The following COX8C variants were observed in gnomAD, a reference collection of about 807,000 sequenced individuals.
COX8C encodes the protein cytochrome c oxidase subunit 8C, mitochondrial.
Under a neutral mutation model 3.5 loss-of-function variants are expected in COX8C, and 3 were observed. That is an observed-to-expected ratio of 0.86 (90% CI 0.39 to 2.24). COX8C has a LOEUF of 2.24. Among genes scored for constraint, COX8C ranks in the 30% most tolerant of loss-of-function variants. The probability of loss-of-function intolerance (pLI) is 0.05; values close to 1 mark genes in which losing one functional copy is unlikely to be tolerated. For synonymous variants in COX8C, 46 were observed against 44.1 expected (o/e 1.04, Z -0.17); for missense variants, 113 against 102.5 (o/e 1.10, Z -0.44).
chr14:93,347,472 G>A, intron 1 of COX8C, 78 bp downstream of exon 1: 1 of 1,368,704 alleles, frequency 7.3e-7, no homozygotes, highest in Non-Finnish European at 9.4e-7. Flanking sequence ...GGGGAGAAGG[G>A]AGGACACGGC....
At chr14:93,347,804 G>C (rs2053893335) in intron 1 of COX8C, among the ~76,000 whole-genome samples, 2 of 151,986 alleles carry the variant, frequency 1.3e-5, no homozygotes. Flanking sequence ...CGAAGTTCCA[G>C]AGTGCGAAGG....
Position 93,347,344 on chromosome 14 carries a change from C to CCCCGCTT in COX8C, c.78_84dup (p.Ala29ProfsTer51). 6.3e-7 allele frequency: 1 copy of CCCCGCTT among 1,597,372 alleles called. No individual in the cohort carries two copies. The highest frequency in any genetic ancestry group is 1.1e-5 in the South Asian group (1 of 90,446). The stretch of plus-strand genomic sequence containing the variant: ...GGCCCTGCTCGGCCTGCAGCCCGCT[C>CCCCGCTT]CCCGCTTCGCCCACTCGGGGCCCCC... On this transcript the variant is annotated frameshift_variant, in exon 1 of 2. Coordinates refer to ENST00000342144, the MANE Select transcript of COX8C (RefSeq NM_182971.3). LOFTEE classifies it low-confidence loss of function (END_TRUNC).
In COX8C at chr14:93,347,221, C is replaced by T; in HGVS notation, c.-48C>T. The T allele has an allele frequency of 6.5e-7, 1 of 1,540,196 alleles. No individual in the cohort carries two copies. The highest frequency in any genetic ancestry group is 1.2e-5 in the South Asian group (1 of 83,340). On this transcript the variant is annotated 5_prime_UTR_variant, in exon 1 of 2. Transcript: ENST00000342144. ...CACTGGAGCTTGCGTTACTTGGCCT[C>T]ACCTCACCTGTGCTGTCCACGCCTG...
At chr14:93,347,772 T>G (rs2053892170) in intron 1 of COX8C, among the ~76,000 whole-genome samples, 1 of 151,628 alleles carries the variant, frequency 6.6e-6, no homozygotes. Flanking sequence ...TTCGATAAAA[T>G]GGTGGAAATC....
intron 1 of COX8C, among the ~76,000 whole-genome samples, 186 bp downstream of exon 1, chr14:93,347,580 G>T (rs2053883201): frequency 6.6e-6 from 1 of 152,108 alleles, no homozygotes; most frequent in African/African-American, 2.4e-5. Context: ...GGAGAGGGTC[G>T]CGGTGAGGAT....
Position 93,348,153 on chromosome 14 carries a change from C to CA in COX8C, c.*39dup. 2 of 1,340,478 alleles carry CA rather than the reference C, an allele frequency of 1.5e-6. No individual in the cohort carries two copies. Among genetic ancestry groups the CA allele is most frequent in the South Asian group, 1.2e-5 (1 of 83,626 alleles). The allele number at this position is 1,340,478 out of a possible 1,614,324, so 83.0% of individuals were successfully genotyped here. ...ATGATGTTGAACAGCTGTTAACGTC[C>CA]AAAAAACTTTCAGAAAAAGCTGTGT... is the stretch of plus-strand genomic sequence containing the variant. On this transcript the variant is annotated 3_prime_UTR_variant, in exon 2 of 2. Transcript: ENST00000342144.
chr14:93,348,009 G>T lies in COX8C; in HGVS notation c.127-19G>T. 6.6e-7 allele frequency: 1 copy of T among 1,508,810 alleles called. No homozygotes were observed. The highest frequency in any genetic ancestry group is 9.2e-7 in the Non-Finnish European group (1 of 1,084,024). 93.5% of individuals were successfully genotyped at this position (1,508,810 alleles called of 1,614,324 possible). A position where few individuals can be genotyped will look rare whatever the true frequency, so the allele number is the denominator to read the frequency against. On this transcript the variant is annotated intron_variant, in intron 1 of 1. Transcript: ENST00000342144. ...CCTAGGAAGCCATACTCAGCAGCGCGTGTCATCTTCTCTTCCAGGAAATGG... is the reference window on the plus strand; with the variant it reads ...CCTAGGAAGCCATACTCAGCAGCGCTTGTCATCTTCTCTTCCAGGAAATGG...
chr14:93,347,433 C>T (rs2053877320), intron 1 of COX8C, 39 bp downstream of exon 1: 3 of 1,434,796 alleles, frequency 2.1e-6, no homozygotes, highest in Non-Finnish European at 2.7e-6. Flanking sequence ...GCGGGAAGCG[C>T]GTGGCCCTGG....
At chr14:93,347,999 T>C in intron 1 of COX8C, 29 bp from the exon 2 acceptor site, 3 of 1,403,312 alleles carry the variant, frequency 2.1e-6, no homozygotes, top group Non-Finnish European at 3.0e-6. Flanking sequence ...GAAGCCATAC[T>C]CAGCAGCGCG....
chr14:93,347,341 G>A lies in COX8C; in HGVS notation c.73G>A (p.Ala25Thr), dbSNP rs2053871752. 2.6e-6 allele frequency: 4 copies of A among 1,540,930 alleles called. No homozygotes were observed. The highest frequency in any genetic ancestry group is 1.4e-5 in the African/African-American group (1 of 72,252). Residue 25 changes from alanine to threonine, a missense_variant, in exon 1 of 2, where the codon GCT becomes ACT. Ala to Thr is a moderately conservative substitution (Grantham distance 58). Coordinates refer to ENST00000342144, the MANE Select transcript of COX8C (RefSeq NM_182971.3). ...RRLALLGLQPAPRFAHSGPPR... is the reference protein window; with the variant it reads ...RRLALLGLQPTPRFAHSGPPR... ...CTTGGCCCTGCTCGGCCTGCAGCCCGCTCCCCGCTTCGCCCACTCGGGGCC... is the reference window on the plus strand; with the variant it reads ...CTTGGCCCTGCTCGGCCTGCAGCCCACTCCCCGCTTCGCCCACTCGGGGCC...
Position 93,347,225 on chromosome 14 carries a change from T to C in COX8C, c.-44T>C. 6.5e-7 allele frequency: 1 copy of C among 1,545,820 alleles called. No homozygotes were observed. The highest frequency in any genetic ancestry group is 8.7e-7 in the Non-Finnish European group (1 of 1,143,030). On this transcript the variant is annotated 5_prime_UTR_variant, in exon 1 of 2. Transcript: ENST00000342144. ...GGAGCTTGCGTTACTTGGCCTCACC[T>C]CACCTGTGCTGTCCACGCCTGGCTT...
rs58621064 is a variant in COX8C, at chr14:93,348,147, A to G, written c.*27A>G. 142,198 of 1,399,910 alleles carry G rather than the reference A, an allele frequency of 0.1. 8,490 individuals carry two copies. Among genetic ancestry groups the G allele is most frequent in the African/African-American group, 0.24 (17,234 of 70,742 alleles). The allele number at this position is 1,399,910 out of a possible 1,614,324, so 86.7% of individuals were successfully genotyped here. ...TGGAAGATGATGTTGAACAGCTGTT[A>G]ACGTCCAAAAAACTTTCAGAAAAAG... On this transcript the variant is annotated 3_prime_UTR_variant, in exon 2 of 2. Coordinates refer to ENST00000342144, the MANE Select transcript of COX8C (RefSeq NM_182971.3).
At chr14:93,347,660 T>C (rs1205158489) in intron 1 of COX8C, among the ~76,000 whole-genome samples, 1 of 151,944 alleles carries the variant, frequency 6.6e-6, no homozygotes, top group African/African-American at 2.4e-5. Flanking sequence ...CCTCCTTCGT[T>C]GTTACCCTTT....
At chr14:93,347,480 G>A (rs2139900097) in intron 1 of COX8C, 86 bp downstream of exon 1, 5 of 1,345,084 alleles carry the variant, frequency 3.7e-6, no homozygotes, top group East Asian at 3.0e-5. Flanking sequence ...GGGAGGACAC[G>A]GCGTGCAGGC....
Position 93,347,275 on chromosome 14 carries a change from C to T in COX8C, c.7C>T (p.Leu3Phe), listed in dbSNP as rs78687332. The part of the protein sequence containing the change: MP[L>F]LRGRCPARRH... The stretch of plus-strand genomic sequence containing the variant: ...TTGTCTCACCTGACGCGATATGCCT[C>T]TCCTGCGTGGGCGCTGTCCTGCCCG... The change falls in exon 1 of 2, where the codon CTC becomes TTC. Residue 3 changes from leucine to phenylalanine, a missense_variant. Physicochemically the swap from Leu to Phe is conservative, Grantham distance 22 (BLOSUM62 0). Transcript: ENST00000342144. The T allele has an allele frequency of 9.3e-5, 149 of 1,604,608 alleles. No individual in the cohort carries two copies. In the East Asian group the frequency reaches 1.8e-3, roughly 20 times the overall value.
At position 93,348,230 on chromosome 14, in the gene COX8C, T is replaced by C. The variant is rs2053909536; in HGVS notation, c.*110T>C. ...TTGAGTTGATGCAACCATTGTGGTA[T>C]TCACTTTCCTCATGTTTATGATGAA... On this transcript the variant is annotated 3_prime_UTR_variant, in exon 2 of 2. Transcript: ENST00000342144. The C allele has an allele frequency of 1.5e-6, 1 of 679,930 alleles. No homozygotes were observed. The highest frequency in any genetic ancestry group is 2.7e-6 in the Non-Finnish European group (1 of 370,912). 42.1% of individuals were successfully genotyped at this position (679,930 alleles called of 1,614,324 possible). A position where few individuals can be genotyped will look rare whatever the true frequency, so the allele number is the denominator to read the frequency against.
In COX8C at chr14:93,347,273, C is replaced by T. The variant is rs201659311; in HGVS notation, c.5C>T (p.Pro2Leu). The change falls in exon 1 of 2, where the codon CCT becomes CTT. Residue 2 changes from proline to leucine, a missense_variant. Coordinates refer to ENST00000342144, the MANE Select transcript of COX8C (RefSeq NM_182971.3). ...CTTTGTCTCACCTGACGCGATATGC[C>T]TCTCCTGCGTGGGCGCTGTCCTGCC... Reference protein sequence around the residue: MPLLRGRCPARR... With the variant: MLLLRGRCPARR... The T allele has an allele frequency of 1.2e-6, 2 of 1,603,980 alleles. No homozygotes were observed. Among genetic ancestry groups the T allele is most frequent in the Admixed American group, 1.7e-5 (1 of 59,312 alleles).
At position 93,347,303 on chromosome 14, in the gene COX8C, G is replaced by C; in HGVS notation, c.35G>C (p.Arg12Pro). 1 of 1,605,418 alleles carries C rather than the reference G, an allele frequency of 6.2e-7. No individual in the cohort carries two copies. Among genetic ancestry groups the C allele is most frequent in the Non-Finnish European group, 8.5e-7 (1 of 1,177,934 alleles). ...PLLRGRCPAR[R>P]HYRRLALLGL... is the part of the protein sequence containing the mutation. ...CTGCGTGGGCGCTGTCCTGCCCGCC[G>C]CCACTACCGCCGCTTGGCCCTGCTC... Residue 12 changes from arginine to proline, a missense_variant, in exon 1 of 2, where the codon CGC becomes CCC. Transcript: ENST00000342144.
rs1306568203 is a variant in COX8C, at chr14:93,348,213, A to G, written c.*93A>G. ...CGAGCAAAATTGCCTAGTTGAGTTG[A>G]TGCAACCATTGTGGTATTCACTTTC... On this transcript the variant is annotated 3_prime_UTR_variant, in exon 2 of 2. Coordinates refer to ENST00000342144, the MANE Select transcript of COX8C (RefSeq NM_182971.3). 2.7e-6 allele frequency: 2 copies of G among 751,620 alleles called. No homozygotes were observed. The highest frequency in any genetic ancestry group is 4.8e-6 in the Non-Finnish European group (2 of 416,270). 46.6% of individuals were successfully genotyped at this position (751,620 alleles called of 1,614,324 possible).
Sources: allele counts gnomAD v4.1 joint callset (sites outside exome capture counted in the v4.1 genomes callset), GRCh38; gene constraint gnomAD v4.1.1; transcripts MANE v1.5; gene names NCBI Gene and HGNC (gene_info 2026-07-23, HGNC 2026-07-21).